Variants in MNS1 observed in about 807,000 individuals in gnomAD.
MNS1 encodes meiosis-specific nuclear structural protein 1.
MNS1 carries 63 observed loss-of-function variants against 72.0 expected under a neutral mutation model. That is an observed-to-expected ratio of 0.87 (90% CI 0.71 to 1.08). The LOEUF (loss-of-function observed/expected upper bound fraction) is 1.08, where lower values mean the gene tolerates loss of function less well. MNS1 is among the 50% of genes least tolerant of loss of function. The probability of loss-of-function intolerance (pLI) is 0.00; values close to 1 mark genes in which losing one functional copy is unlikely to be tolerated. For synonymous variants in MNS1, 188 were observed against 172.1 expected (o/e 1.09, Z -0.72); for missense variants, 604 against 562.4 (o/e 1.07, Z -0.75).
chr15:56,429,261 GAC>G (rs1304140293), intron 9 of MNS1, 68 bp from the exon 10 acceptor site: 13 of 995,706 alleles, frequency 1.3e-5, no homozygotes, highest in Non-Finnish European at 1.8e-5. Flanking sequence ...TTTTAAGACT[GAC>G]AGACATAAGA....
In MNS1 at chr15:56,460,013, C is replaced by CATATATATATAT. The variant is rs367624285; in HGVS notation, c.226-3504_226-3493dup. On this transcript the variant is annotated intron_variant, in intron 2 of 9. Transcript: ENST00000260453. The stretch of plus-strand genomic sequence containing the variant: ...CTCAAAAAAAAAAAAAAAAAAAATA[C>CATATATATATAT]ATATATATATATATATATATATGTG... Among the ~76,000 whole-genome samples the CATATATATATAT allele has an allele frequency of 1.8e-3, 63 of 34,630 alleles. 3 individuals are homozygous for CATATATATATAT. Among genetic ancestry groups the CATATATATATAT allele is most frequent in the African/African-American group, 6.7e-3 (59 of 8,830 alleles). The allele number at this position is 34,630 out of a possible 152,430, so 22.7% of individuals were successfully genotyped here.
Position 56,460,009 on chromosome 15 carries a change from A to AAAAAAAAT in MNS1, c.226-3489_226-3488insATTTTTTT. On this transcript the variant is annotated intron_variant, in intron 2 of 9. Coordinates refer to ENST00000260453, the MANE Select transcript of MNS1 (RefSeq NM_018365.4). ...CTGTCTCAAAAAAAAAAAAAAAAAA[A>AAAAAAAAT]ATACATATATATATATATATATATA... Among the ~76,000 whole-genome samples, 94 of 26,372 alleles carry AAAAAAAAT rather than the reference A, an allele frequency of 3.6e-3. 12 individuals carry two copies. The highest frequency in any genetic ancestry group is 0.017 in the Middle Eastern group (1 of 60). The allele number at this position is 26,372 out of a possible 152,430, so 17.3% of individuals were successfully genotyped here.
intron 2 of MNS1, chr15:56,463,729 C>A: frequency 3.7e-6 from 1 of 269,798 alleles, no homozygotes; most frequent in Non-Finnish European, 6.9e-6. Flanking sequence ...TTGCAGTGAG[C>A]CAAGATCGTG....
chr15:56,436,751 G>A (rs1054482208), intron 7 of MNS1, among the ~76,000 whole-genome samples: 6 of 151,886 alleles, frequency 4.0e-5, no homozygotes, highest in East Asian at 3.9e-4. Context: ...TCAAATAGAC[G>A]CAATAAAAAA....
At chr15:56,456,639 T>C in intron 2 of MNS1, 118 bp from the exon 3 acceptor site, 1 of 986,998 alleles carries the variant, frequency 1.0e-6, no homozygotes, top group Non-Finnish European at 1.5e-6. Flanking sequence ...GATGATGTTT[T>C]ATTTTAAAAT....
chr15:56,435,620 A>G lies in MNS1; in HGVS notation c.1012-1225T>C, dbSNP rs539992850. Reference sequence around the variant, plus strand: ...AAACACAAGCTACCAAAACTCACCAAATATGAAATAAGGTAATCTGAATAG... The same window carrying G: ...AAACACAAGCTACCAAAACTCACCAGATATGAAATAAGGTAATCTGAATAG... On this transcript the variant is annotated intron_variant, in intron 7 of 9. Transcript: ENST00000260453. Among the ~76,000 whole-genome samples, 111 of 152,118 alleles carry G rather than the reference A, an allele frequency of 7.3e-4. 1 individual carries two copies. Among genetic ancestry groups the G allele is most frequent in the African/African-American group, 2.4e-3 (98 of 41,546 alleles).
At chr15:56,460,003 A>ATATATATAT (rs1243035397) in intron 2 of MNS1, among the ~76,000 whole-genome samples, 1 of 32,858 alleles carries the variant, frequency 3.0e-5, no homozygotes, top group African/African-American at 1.1e-4. Context: ...AAAAAAAAAA[A>ATATATATAT]AAAAAAATAC....
chr15:56,463,873 C>T (rs912744635), intron 2 of MNS1, 153 bp downstream of exon 2: 2 of 630,928 alleles, frequency 3.2e-6, no homozygotes, highest in Non-Finnish European at 5.4e-6. Context: ...TCCAGAAACC[C>T]AGGTCTTTAC....
chr15:56,441,682 T>C (rs888556161), intron 7 of MNS1, among the ~76,000 whole-genome samples: 1 of 152,048 alleles, frequency 6.6e-6, no homozygotes, highest in African/African-American at 2.4e-5. Flanking sequence ...CTAATATCCA[T>C]AATATCTAAG....
chr15:56,458,609 C>T (rs1434394670), intron 2 of MNS1, among the ~76,000 whole-genome samples: 1 of 152,128 alleles, frequency 6.6e-6, no homozygotes, highest in African/African-American at 2.4e-5. Context: ...TCTGTCTATT[C>T]AACCCTTCCT....
intron 1 of MNS1, 116 bp downstream of exon 1, chr15:56,464,854 T>C (rs2140387291): frequency 2.1e-6 from 3 of 1,425,284 alleles, no homozygotes; most frequent in South Asian, 2.5e-5. Flanking sequence ...CAAATACAAG[T>C]TCCCCAATTA....
At chr15:56,438,303 A>G (rs867944050) in intron 7 of MNS1, among the ~76,000 whole-genome samples, 37 of 152,306 alleles carry the variant, frequency 2.4e-4, no homozygotes, top group South Asian at 1.0e-3. Context: ...GCCCTCAGAA[A>G]TAGTACCACA....
chr15:56,431,674 T>A (rs2050600819), intron 8 of MNS1, among the ~76,000 whole-genome samples, 176 bp from the exon 9 acceptor site: 1 of 152,094 alleles, frequency 6.6e-6, no homozygotes, highest in East Asian at 1.9e-4. Context: ...TCTGTACACA[T>A]ATCTATGTAT....
intron 3 of MNS1, among the ~76,000 whole-genome samples, chr15:56,453,453 A>G (rs892631602): frequency 6.6e-6 from 1 of 152,156 alleles, no homozygotes; most frequent in Non-Finnish European, 1.5e-5. Context: ...CAGCTTGATT[A>G]TCAGTCCAGA....
intron 3 of MNS1, among the ~76,000 whole-genome samples, chr15:56,448,636 T>C (rs1310866168): frequency 6.6e-6 from 1 of 152,208 alleles, no homozygotes. Context: ...AATTTCCCAC[T>C]GGTGGGCACC....
intron 8 of MNS1, among the ~76,000 whole-genome samples, chr15:56,432,121 A>C (rs1380557617): frequency 6.6e-6 from 1 of 152,148 alleles, no homozygotes; most frequent in Non-Finnish European, 1.5e-5. Flanking sequence ...TATAAAGAGG[A>C]GATACAGGAA....
intron 3 of MNS1, among the ~76,000 whole-genome samples, chr15:56,454,677 C>G (rs1246713661): frequency 6.6e-6 from 1 of 152,080 alleles, no homozygotes; most frequent in African/African-American, 2.4e-5. Flanking sequence ...TCCAGGCCAG[C>G]ATCTCCTCAC....
chr15:56,431,455 C>A lies in MNS1; in HGVS notation c.1313G>T (p.Gly438Val), dbSNP rs1334397073. 3.1e-6 allele frequency: 5 copies of A among 1,613,624 alleles called. No homozygotes were observed. The highest frequency in any genetic ancestry group is 2.5e-6 in the Non-Finnish European group (3 of 1,179,882). Residue 438 changes from glycine (G) to valine (V), a missense_variant, in exon 9 of 10, where the codon GGA becomes GTA. By Grantham distance (109) the Gly-to-Val change is moderately radical. Transcript: ENST00000260453. ...TTCTTCAATAATTGCATTAATAAAT[C>A]CTTGCCGCCTTTGCTGCAACTGCCA... ...EEWQLQQRRQ[G>V]FINAIIEEER...
At chr15:56,438,809 C>A (rs570087616) in intron 7 of MNS1, among the ~76,000 whole-genome samples, 1 of 152,200 alleles carries the variant, frequency 6.6e-6, no homozygotes, top group Admixed American at 6.6e-5. Context: ...AATCAAACAA[C>A]CCCATCAAAA....
Sources: allele counts gnomAD v4.1 joint callset (sites outside exome capture counted in the v4.1 genomes callset), GRCh38; gene constraint gnomAD v4.1.1; transcripts MANE v1.5; gene names NCBI Gene and HGNC (gene_info 2026-07-23, HGNC 2026-07-21).